The following MAP3K3 variants were observed in gnomAD, a reference collection of about 807,000 sequenced individuals.
MAP3K3 encodes the protein mitogen-activated protein kinase kinase kinase 3.
Under a neutral mutation model 80.9 loss-of-function variants are expected in MAP3K3, and 12 were observed. The observed-to-expected ratio is 0.15, with a 90% CI of 0.10 to 0.24. The LOEUF (loss-of-function observed/expected upper bound fraction) is 0.24, where lower values mean the gene tolerates loss of function less well. Ranked by LOEUF, MAP3K3 falls within the 10% of genes least tolerant of loss-of-function variation. The pLI is 1.00. For missense variants in MAP3K3, 596 were observed against 834.7 expected (o/e 0.71, Z 3.52); for synonymous variants, 272 against 307.1 (o/e 0.89, Z 1.19).
intron 2 of MAP3K3, among the ~76,000 whole-genome samples, chr17:63,645,280 G>C (rs1021081665): frequency 6.6e-6 from 1 of 151,976 alleles, no homozygotes; most frequent in Admixed American, 6.6e-5. Context: ...TCCAACCTGG[G>C]TGACAGAGTG....
chr17:63,688,605 C>T lies in MAP3K3; in HGVS notation c.778+11C>T. The stretch of plus-strand genomic sequence containing the variant: ...GACAGGAATACTCAGGTGAGTTCCA[C>T]AGAGCCTGGGTGGGTAATGCAGGGT... On this transcript the variant is annotated intron_variant, in intron 9 of 15. Coordinates refer to ENST00000361733, the MANE Select transcript of MAP3K3 (RefSeq NM_002401.5). The T allele has an allele frequency of 1.2e-6, 2 of 1,613,332 alleles. No individual in the cohort carries two copies. Among genetic ancestry groups the T allele is most frequent in the Non-Finnish European group, 1.7e-6 (2 of 1,179,292 alleles).
chr17:63,628,639 C>T (rs1045726010), intron 1 of MAP3K3, among the ~76,000 whole-genome samples: 1 of 152,174 alleles, frequency 6.6e-6, no homozygotes, highest in Non-Finnish European at 1.5e-5. Flanking sequence ...GGATTACAGG[C>T]GTGAGCCCCT....
At chr17:63,674,332 A>G (rs866313551) in intron 6 of MAP3K3, among the ~76,000 whole-genome samples, 1 of 152,130 alleles carries the variant, frequency 6.6e-6, no homozygotes, top group African/African-American at 2.4e-5. Context: ...TGGGAGGCCA[A>G]GGTGGGTGGA....
At chr17:63,661,511 T>C (rs752033758) in intron 5 of MAP3K3, among the ~76,000 whole-genome samples, 1 of 152,244 alleles carries the variant, frequency 6.6e-6, no homozygotes, top group Non-Finnish European at 1.5e-5. Flanking sequence ...GCTCTTGACC[T>C]TCTTAGGACT....
At chr17:63,641,242 CTT>C (rs1220305485) in intron 2 of MAP3K3, among the ~76,000 whole-genome samples, 5 of 143,088 alleles carry the variant, frequency 3.5e-5, no homozygotes, top group Admixed American at 7.0e-5. Flanking sequence ...AGTGCCATTA[CTT>C]TTTTTTTTTT....
chr17:63,678,088 C>T (rs1568147681), intron 6 of MAP3K3, among the ~76,000 whole-genome samples: 1 of 152,156 alleles, frequency 6.6e-6, no homozygotes, highest in Admixed American at 6.6e-5. Flanking sequence ...CTTGGCTGAA[C>T]TGTATGAGAG....
At chr17:63,632,953 C>A in intron 2 of MAP3K3, 151 bp downstream of exon 2, 1 of 1,030,806 alleles carries the variant, frequency 9.7e-7, no homozygotes, top group Non-Finnish European at 1.4e-6. Flanking sequence ...GTAATACATA[C>A]CAACCAGGTA....
At chr17:63,631,782 A>G (rs1417911799) in intron 1 of MAP3K3, among the ~76,000 whole-genome samples, 2 of 152,188 alleles carry the variant, frequency 1.3e-5, no homozygotes, top group Non-Finnish European at 1.5e-5. Context: ...GGGAGGAAAA[A>G]CAATAGAACT....
rs142840047 is a variant in MAP3K3, at chr17:63,693,767, T to C, written c.1871T>C (p.Leu624Pro). ...CTGCTCACACACCACTTTGCACAGC[T>C]CATGTACTGAGCTCTCACGGCCACA... ...EELLTHHFAQ[L>P]MY Residue 624 changes from leucine to proline, a missense_variant, in exon 16 of 16, where the codon CTC becomes CCC. Coordinates refer to ENST00000361733, the MANE Select transcript of MAP3K3 (RefSeq NM_002401.5). This position sits in a 1 kb window ranked among gnomAD's most constrained non-coding sequence, Gnocchi z 4.2. 17 of 1,598,954 alleles carry C rather than the reference T, an allele frequency of 1.1e-5. No individual in the cohort carries two copies. Among genetic ancestry groups the C allele is most frequent in the East Asian group, 2.3e-5 (1 of 43,876 alleles).
intron 2 of MAP3K3, among the ~76,000 whole-genome samples, chr17:63,644,459 G>T (rs1012409641): frequency 6.6e-6 from 1 of 152,154 alleles, no homozygotes; most frequent in African/African-American, 2.4e-5. Context: ...CCAGTGATCT[G>T]CCCGCCTCGG....
At chr17:63,662,761 G>A (rs1340285882) in intron 5 of MAP3K3, among the ~76,000 whole-genome samples, 2 of 148,634 alleles carry the variant, frequency 1.3e-5, no homozygotes, top group Admixed American at 6.8e-5. Flanking sequence ...GGGTTCAAGC[G>A]ATTCTCCTGC....
Position 63,631,867 on chromosome 17 carries a change from G to A in MAP3K3, c.5-814G>A, listed in dbSNP as rs1054822255. ...GTTGTGGGGGTTGCTGGTGGTGGCGGCATTCAAATGCTAGGCTTGTAAAAC... is the reference window on the plus strand; with the variant it reads ...GTTGTGGGGGTTGCTGGTGGTGGCGACATTCAAATGCTAGGCTTGTAAAAC... On this transcript the variant is annotated intron_variant, in intron 1 of 15. Transcript: ENST00000361733. Among the ~76,000 whole-genome samples, 4 of 152,108 alleles carry A rather than the reference G, an allele frequency of 2.6e-5. No individual in the cohort carries two copies. The East Asian group carries it at 7.7e-4, about 29-fold the overall frequency.
intron 1 of MAP3K3, 37 bp downstream of exon 1, chr17:63,622,800 G>T: frequency 2.1e-6 from 1 of 476,004 alleles, no homozygotes; most frequent in Non-Finnish European, 4.1e-6. Flanking sequence ...TGCCCGCGCT[G>T]CTTCGCGACG....
At chr17:63,629,476 G>A (rs1160826570) in intron 1 of MAP3K3, among the ~76,000 whole-genome samples, 3 of 152,150 alleles carry the variant, frequency 2.0e-5, no homozygotes, top group African/African-American at 7.2e-5. Context: ...CCACATTGGA[G>A]GAGTGCTGAT....
Position 63,693,723 on chromosome 17 carries a change from G to A in MAP3K3, c.1827G>A (p.Gln609=), listed in dbSNP as rs1439056837. 1 of 1,603,894 alleles carries A rather than the reference G, an allele frequency of 6.2e-7. No individual in the cohort carries two copies. Among genetic ancestry groups the A allele is most frequent in the East Asian group, 2.2e-5 (1 of 44,478 alleles). The part of the protein sequence containing the change: ...FLRRIFVEAR[Q]RPSAEELLTH... ...GGCGCATTTTTGTGGAGGCTCGCCA[G>A]AGACCTTCAGCTGAGGAGCTGCTCA... The change falls in exon 16 of 16, where the codon CAG becomes CAA. Residue 609 remains glutamine (Q), a synonymous_variant. Transcript: ENST00000361733. This position sits in a 1 kb window ranked among gnomAD's most constrained non-coding sequence, Gnocchi z 4.2.
intron 3 of MAP3K3, 145 bp downstream of exon 3, chr17:63,646,219 A>C: frequency 1.4e-6 from 1 of 713,590 alleles, no homozygotes; most frequent in Non-Finnish European, 2.5e-6. Context: ...AAGGGAGGAA[A>C]GTTTCACCCT....
At position 63,692,385 on chromosome 17, in the gene MAP3K3, A is replaced by G; in HGVS notation, c.1618A>G (p.Ser540Gly). 6.2e-7 allele frequency: 1 copy of G among 1,611,184 alleles called. No individual in the cohort carries two copies. Among genetic ancestry groups the G allele is most frequent in the Non-Finnish European group, 8.5e-7 (1 of 1,178,300 alleles). ...CTACTGGATGAGCCCTGAGGTGATC[A>G]GCGGCGAGGGCTATGGAAGGAAAGC... ...TPYWMSPEVI[S>G]GEGYGRKADV... The change falls in exon 15 of 16, where the codon AGC becomes GGC. Residue 540 changes from serine to glycine, a missense_variant. Physicochemically the swap from Ser to Gly is moderately conservative, Grantham distance 56. Coordinates refer to ENST00000361733, the MANE Select transcript of MAP3K3 (RefSeq NM_002401.5). This position sits in a 1 kb window ranked among gnomAD's most constrained non-coding sequence, Gnocchi z 4.5.
chr17:63,654,772 C>CA (rs781616738), intron 4 of MAP3K3, among the ~76,000 whole-genome samples: 7 of 152,212 alleles, frequency 4.6e-5, no homozygotes, highest in Non-Finnish European at 1.0e-4. Flanking sequence ...TGCAGTGACT[C>CA]ACGCCTGTTA....
intron 2 of MAP3K3, among the ~76,000 whole-genome samples, chr17:63,644,845 C>G (rs2034510350): frequency 6.6e-6 from 1 of 152,146 alleles, no homozygotes; most frequent in Non-Finnish European, 1.5e-5. Context: ...TTGTCTTCTT[C>G]AAAATAATTT....
Sources: gnomAD v4.1 joint callset for allele counts (sites outside exome capture counted in the v4.1 genomes callset) on GRCh38, gnomAD v4.1.1 for gene constraint, Gnocchi (gnomAD v3.1) non-coding constraint, MANE v1.5 for transcripts, NCBI Gene and HGNC (gene_info 2026-07-23, HGNC 2026-07-21) for gene names.